ALG14: variants seen among roughly 807,000 people sequenced by gnomAD.
ALG14 encodes the protein ALG14 UDP-N-acetylglucosaminyltransferase subunit, also known as UDP-N-acetylglucosamine transferase subunit ALG14.
Under a neutral mutation model 22.8 loss-of-function variants are expected in ALG14, and 17 were observed. That is an observed-to-expected ratio of 0.75 (90% CI 0.51 to 1.12). The LOEUF is 1.12. Among genes scored for constraint, ALG14 ranks in the 50% most tolerant of loss-of-function variants. The pLI, the probability that ALG14 is intolerant of heterozygous loss-of-function variation, is 0.00. For synonymous variants in ALG14, 89 were observed against 103.7 expected, an observed-to-expected ratio of 0.86 and a Z score of 0.86; for missense variants, 288 against 271.8, an observed-to-expected ratio of 1.06 and a Z score of -0.42.
chr1:95,057,153 A>AAT (rs1382344269), intron 2 of ALG14, among the ~76,000 whole-genome samples: 1 of 150,878 alleles, frequency 6.6e-6, no homozygotes, highest in Non-Finnish European at 1.5e-5. Flanking sequence ...TATATAAATA[A>AAT]ATATATATAT....
intron 3 of ALG14, among the ~76,000 whole-genome samples, chr1:95,012,744 C>G (rs1020193281): frequency 8.5e-5 from 13 of 152,252 alleles, no homozygotes; most frequent in African/African-American, 3.1e-4. Flanking sequence ...ACTCTTGGAG[C>G]TGGAAAGAAA....
chr1:95,066,653 C>T lies in ALG14; in HGVS notation c.137-1636G>A, dbSNP rs148660485. 4.3e-3 allele frequency among the ~76,000 whole-genome samples: 655 copies of T among 152,232 alleles called. 6 individuals carry two copies. The highest frequency in any genetic ancestry group is 0.015 in the African/African-American group (603 of 41,514). ...TAAAATCATACATTAGCTTTATAAC[C>T]TGTCACCCATCTTCTTGACTGGGGC... On this transcript the variant is annotated intron_variant, in intron 1 of 3. Coordinates refer to ENST00000370205, the MANE Select transcript of ALG14 (RefSeq NM_144988.4).
intron 2 of ALG14, among the ~76,000 whole-genome samples, chr1:95,057,891 A>G (rs1457392519): frequency 6.6e-6 from 1 of 151,944 alleles, no homozygotes; most frequent in African/African-American, 2.4e-5. Flanking sequence ...CTGCTGGAAG[A>G]GAATGGAATA....
chr1:95,008,221 G>C (rs1352131874), intron 3 of ALG14, among the ~76,000 whole-genome samples: 1 of 152,152 alleles, frequency 6.6e-6, no homozygotes, highest in Non-Finnish European at 1.5e-5. Flanking sequence ...ACAGTAAGCA[G>C]GTATCTGTAG....
intron 3 of ALG14, among the ~76,000 whole-genome samples, chr1:94,995,574 G>A (rs1286695211): frequency 2.0e-5 from 3 of 152,326 alleles, no homozygotes; most frequent in African/African-American, 4.8e-5. Flanking sequence ...TTAGCTGAGC[G>A]TGGTGGCACG....
chr1:95,017,371 CA>C (rs145371309), intron 3 of ALG14, among the ~76,000 whole-genome samples: 8,830 of 152,056 alleles, frequency 0.058, 288 homozygotes, highest in African/African-American at 0.083. Flanking sequence ...AAAAAAATGG[CA>C]AAACTGGTGA....
chr1:95,016,322 T>C (rs1177494125), intron 3 of ALG14, among the ~76,000 whole-genome samples: 3 of 152,160 alleles, frequency 2.0e-5, no homozygotes, highest in African/African-American at 7.2e-5. Context: ...GACAAGGCAC[T>C]CCCTTCTTTT....
chr1:95,027,969 G>A (rs1673873787), intron 2 of ALG14, among the ~76,000 whole-genome samples: 1 of 152,226 alleles, frequency 6.6e-6, no homozygotes, highest in South Asian at 2.1e-4. Context: ...GAATGGAGAA[G>A]TGCATACAGT....
rs1046799488 is a variant in ALG14, at chr1:94,979,942, C to T, written c.*3134G>A. On this transcript the variant is annotated 3_prime_UTR_variant, in exon 4 of 4. Transcript: ENST00000370205. ...GGGAAGAAACCCCGTGAGGCTCAAA[C>T]GCTGACCTGTAGGGAGAAGGACAAT... The T allele has an allele frequency of 6.6e-6, 1 of 152,148 alleles. No homozygotes were observed. Among genetic ancestry groups the T allele is most frequent in the Non-Finnish European group, 1.5e-5 (1 of 68,044 alleles). 9.4% of individuals were successfully genotyped at this position (152,148 alleles called of 1,614,324 possible). A position where few individuals can be genotyped will look rare whatever the true frequency, so the allele number is the denominator to read the frequency against.
At chr1:95,025,045 C>T (rs1673772026) in intron 3 of ALG14, among the ~76,000 whole-genome samples, 1 of 152,144 alleles carries the variant, frequency 6.6e-6, no homozygotes, top group African/African-American at 2.4e-5. Context: ...TACAGCCTTA[C>T]AAATGTTTTC....
At chr1:95,004,882 T>G (rs532264145) in intron 3 of ALG14, among the ~76,000 whole-genome samples, 1 of 149,316 alleles carries the variant, frequency 6.7e-6, no homozygotes, top group East Asian at 2.0e-4. Flanking sequence ...CTCAACTCAC[T>G]GCAACCTCCA....
intron 3 of ALG14, among the ~76,000 whole-genome samples, chr1:95,023,342 T>C (rs1358661470): frequency 5.3e-5 from 8 of 152,216 alleles, no homozygotes; most frequent in Non-Finnish European, 8.8e-5. Flanking sequence ...CAGCCTGGTC[T>C]CGAACTCCTG....
chr1:95,051,742 T>C (rs1674759350), intron 2 of ALG14, among the ~76,000 whole-genome samples: 1 of 152,198 alleles, frequency 6.6e-6, no homozygotes, highest in Non-Finnish European at 1.5e-5. Flanking sequence ...AGGGCCTTCT[T>C]TGCAGTTACT....
chr1:94,984,384 C>G (rs775851038), intron 3 of ALG14, among the ~76,000 whole-genome samples: 6 of 152,218 alleles, frequency 3.9e-5, no homozygotes, highest in African/African-American at 1.4e-4. Context: ...GGACTCTCCC[C>G]GACAGAAAGA....
rs186965432 is a variant in ALG14 at position 94,999,030 on chromosome 1, C to G, written c.421-15724G>C. On this transcript the variant is annotated intron_variant, in intron 3 of 3. Transcript: ENST00000370205. The stretch of plus-strand genomic sequence containing the variant: ...TGGCAAGTTTAATATCACAAAATCT[C>G]TCAGAACAAACACAGGTTTTATATA... Among the ~76,000 whole-genome samples, 46 of 152,236 alleles carry G rather than the reference C, an allele frequency of 3.0e-4. No individual in the cohort carries two copies. The Middle Eastern group carries it at 0.01, about 34-fold the overall frequency.
intron 2 of ALG14, among the ~76,000 whole-genome samples, chr1:95,054,282 TGATCTCCTTGGTACAG>T (rs1235667674): frequency 6.6e-6 from 1 of 152,172 alleles, no homozygotes; most frequent in Non-Finnish European, 1.5e-5. Context: ...TGGTTGGTCA[TGATCTCCTTGGTACAG>T]TATAGTGAGT....
At chr1:95,047,790 G>A (rs527435850) in intron 2 of ALG14, among the ~76,000 whole-genome samples, 1 of 152,108 alleles carries the variant, frequency 6.6e-6, no homozygotes, top group Non-Finnish European at 1.5e-5. Flanking sequence ...GACCAGCCTG[G>A]GCAACATAGC....
intron 3 of ALG14, among the ~76,000 whole-genome samples, chr1:95,002,901 G>A (rs561154164): frequency 6.6e-6 from 1 of 152,222 alleles, no homozygotes; most frequent in South Asian, 2.1e-4. Context: ...CTGTTTCAAG[G>A]CCCAGCTTAG....
intron 2 of ALG14, among the ~76,000 whole-genome samples, chr1:95,042,314 A>T (rs1003853061): frequency 2.6e-5 from 4 of 151,986 alleles, no homozygotes; most frequent in Non-Finnish European, 5.9e-5. Flanking sequence ...ATACACACAC[A>T]CACACACACA....
Sources: gnomAD v4.1 joint callset for allele counts (sites outside exome capture counted in the v4.1 genomes callset) on GRCh38, gnomAD v4.1.1 for gene constraint, MANE v1.5 for transcripts, NCBI Gene and HGNC (gene_info 2026-07-23, HGNC 2026-07-21) for gene names.